STX19: variants seen among roughly 807,000 people sequenced by gnomAD.
The protein encoded by STX19 is syntaxin 19.
A neutral mutation model predicts 24.3 loss-of-function variants in STX19; 26 were observed. That is an observed-to-expected ratio of 1.07 (90% CI 0.78 to 1.48). The LOEUF is 1.48. Among genes scored for constraint, STX19 ranks in the 40% most tolerant of loss-of-function variants. The pLI is 0.00. For missense variants in STX19, 367 were observed against 331.9 expected (o/e 1.11, Z -0.82); for synonymous variants, 116 against 106.9 (o/e 1.09, Z -0.52).
intron 1 of STX19, among the ~76,000 whole-genome samples, chr3:94,016,085 A>G (rs2076328229): frequency 6.6e-6 from 1 of 152,168 alleles, no homozygotes; most frequent in South Asian, 2.1e-4. Flanking sequence ...GTAAGAATCA[A>G]ATTGATGTAC....
intron 1 of STX19, among the ~76,000 whole-genome samples, chr3:94,016,138 C>T (rs935802585): frequency 1.1e-4 from 16 of 152,102 alleles, no homozygotes; most frequent in African/African-American, 3.6e-4. Context: ...AAATGACATA[C>T]ATACATATAA....
At chr3:94,017,429 C>G (rs750324549) in intron 1 of STX19, among the ~76,000 whole-genome samples, 1 of 152,136 alleles carries the variant, frequency 6.6e-6, no homozygotes, top group Non-Finnish European at 1.5e-5. Flanking sequence ...TGGACATTTT[C>G]AAGATGTTCT....
At chr3:94,015,520 G>A (rs2076314334) in intron 1 of STX19, among the ~76,000 whole-genome samples, 1 of 152,140 alleles carries the variant, frequency 6.6e-6, no homozygotes, top group Non-Finnish European at 1.5e-5. Flanking sequence ...GTGTGCAATA[G>A]CTGAGAAAGC....
At chr3:94,018,903 C>G (rs2076389928) in intron 1 of STX19, among the ~76,000 whole-genome samples, 1 of 151,938 alleles carries the variant, frequency 6.6e-6, no homozygotes. Context: ...GTGGCTGGGA[C>G]TACAGGCATG....
chr3:94,015,358 C>G (rs1380505633), intron 1 of STX19, 76 bp from the exon 2 acceptor site: 4 of 1,071,602 alleles, frequency 3.7e-6, no homozygotes, highest in Non-Finnish European at 1.3e-6. Flanking sequence ...CTTCACATAA[C>G]TGTCTATATC....
In STX19 at chr3:94,015,128, C is replaced by T; in HGVS notation, c.142G>A (p.Glu48Lys). ...TTTTGGATTTCATGTAGGTGTCTCT[C>T]AGCTACAGGCTCTCTTTCATAAATA... ...AVIYEREPVA[E>K]RHLHEIQKLQ... The change falls in exon 2 of 2, where the codon GAG (glutamate) becomes AAG (lysine). Residue 48 changes from glutamate (E) to lysine (K), a missense_variant. Physicochemically the swap from Glu to Lys is moderately conservative, Grantham distance 56. Transcript: ENST00000315099. 1 of 1,613,976 alleles carries T rather than the reference C, an allele frequency of 6.2e-7. No homozygotes were observed. Among genetic ancestry groups the T allele is most frequent in the Non-Finnish European group, 8.5e-7 (1 of 1,179,934 alleles).
chr3:94,025,857 A>G (rs1451280255), intron 1 of STX19, among the ~76,000 whole-genome samples: 1 of 152,116 alleles, frequency 6.6e-6, no homozygotes, highest in African/African-American at 2.4e-5. Flanking sequence ...ATTCCTAGTT[A>G]ACTGTTTCAT....
intron 1 of STX19, among the ~76,000 whole-genome samples, chr3:94,023,851 T>C (rs1408779030): frequency 6.6e-6 from 1 of 152,150 alleles, no homozygotes; most frequent in Non-Finnish European, 1.5e-5. Flanking sequence ...GGAGATAATA[T>C]AGCATATAGG....
intron 1 of STX19, among the ~76,000 whole-genome samples, chr3:94,016,061 G>T (rs1052677829): frequency 1.3e-4 from 19 of 151,978 alleles, no homozygotes; most frequent in Admixed American, 1.2e-3. Flanking sequence ...CACATGCTGT[G>T]TTGGTAGTTA....
intron 1 of STX19, among the ~76,000 whole-genome samples, chr3:94,027,388 T>C (rs1292276684): frequency 6.6e-6 from 1 of 152,086 alleles, no homozygotes. Context: ...TTCTACATTT[T>C]ATTTAGTCTA....
intron 1 of STX19, among the ~76,000 whole-genome samples, chr3:94,025,224 T>TTTATTTATTTATTTA (rs1559994096): frequency 6.6e-6 from 1 of 152,126 alleles, no homozygotes; most frequent in Non-Finnish European, 1.5e-5. Flanking sequence ...ATATGTCCTT[T>TTTATTTATTTATTTA]TTATTAATCT....
At chr3:94,020,910 TG>T (rs2076433631) in intron 1 of STX19, among the ~76,000 whole-genome samples, 1 of 152,266 alleles carries the variant, frequency 6.6e-6, no homozygotes, top group South Asian at 2.1e-4. Context: ...ACTTCTAAGC[TG>T]GAAGGAGATT....
intron 1 of STX19, among the ~76,000 whole-genome samples, chr3:94,017,801 T>C (rs1399721601): frequency 1.3e-5 from 2 of 151,416 alleles, no homozygotes; most frequent in Non-Finnish European, 2.9e-5. Flanking sequence ...GGTCTAGGAG[T>C]TGGGTTGCCA....
chr3:94,015,167 G>C lies in STX19; in HGVS notation c.103C>G (p.Leu35Val), dbSNP rs2076304581. The C allele has an allele frequency of 2.5e-6, 4 of 1,613,738 alleles. No individual in the cohort carries two copies. The South Asian group carries it at 4.4e-5, about 18-fold the overall frequency. The part of the protein sequence containing the change: ...TTETEEQGVF[L>V]QQAVIYEREP... Reference sequence around the variant, plus strand: ...CTTTCATAAATAACAGCTTGCTGTAGAAACACCCCTTGTTCCTCTGTTTCT... The same window carrying C: ...CTTTCATAAATAACAGCTTGCTGTACAAACACCCCTTGTTCCTCTGTTTCT... Residue 35 changes from leucine to valine, a missense_variant, in exon 2 of 2, where the codon CTA becomes GTA. By Grantham distance (32) the Leu-to-Val change is conservative. Transcript: ENST00000315099.
Position 94,015,116 on chromosome 3 carries a change from G to C in STX19, c.154C>G (p.His52Asp), listed in dbSNP as rs369172757. 4.3e-6 allele frequency: 7 copies of C among 1,613,906 alleles called. No individual in the cohort carries two copies. Among genetic ancestry groups the C allele is most frequent in the Non-Finnish European group, 5.1e-6 (6 of 1,179,928 alleles). ...EREPVAERHL[H>D]EIQKLQESIN... is the part of the protein sequence containing the mutation. ...CTTTCCTGTAGTTTTTGGATTTCAT[G>C]TAGGTGTCTCTCAGCTACAGGCTCT... Residue 52 changes from histidine (H) to aspartate (D), a missense_variant, in exon 2 of 2, where the codon CAT (histidine) becomes GAT (aspartate). By Grantham distance (81) the His-to-Asp change is moderately conservative. Transcript: ENST00000315099.
At chr3:94,016,622 A>G (rs1049286027) in intron 1 of STX19, among the ~76,000 whole-genome samples, 2 of 151,504 alleles carry the variant, frequency 1.3e-5, no homozygotes, top group African/African-American at 4.8e-5. Context: ...CTATGAAAGT[A>G]TTGGAGATTT....
chr3:94,014,856 A>C lies in STX19; in HGVS notation c.414T>G (p.Ala138=). 1 of 1,614,066 alleles carries C rather than the reference A, an allele frequency of 6.2e-7. No individual in the cohort carries two copies. The highest frequency in any genetic ancestry group is 8.5e-7 in the Non-Finnish European group (1 of 1,179,962). Residue 138 remains alanine (A), a synonymous_variant, in exon 2 of 2, where the codon GCT becomes GCG. Transcript: ENST00000315099. Reference sequence around the variant, plus strand: ...TTTGCTGAAAATGGCGGAACATTGCAGCATGCTGAGATTTAAGTATCCTTG... The same window carrying C: ...TTTGCTGAAAATGGCGGAACATTGCCGCATGCTGAGATTTAAGTATCCTTG... ...VVTRILKSQH[A]AMFRHFQQIM...
chr3:94,014,744 C>T lies in STX19; in HGVS notation c.526G>A (p.Glu176Lys). The T allele has an allele frequency of 6.2e-7, 1 of 1,613,174 alleles. No homozygotes were observed. The highest frequency in any genetic ancestry group is 1.1e-5 in the South Asian group (1 of 90,770). The part of the protein sequence containing the change: ...ILRQLEVAGK[E>K]MSEEDVNDML... ...TCATTTACATCTTCTTCAGACATCT[C>T]TTTTCCAGCAACTTCAAGCTGACGT... The change falls in exon 2 of 2, where the codon GAG becomes AAG. Residue 176 changes from glutamate (E) to lysine (K), a missense_variant. Transcript: ENST00000315099.
In STX19 at chr3:94,018,802, G is replaced by C. The variant is rs567996945; in HGVS notation, c.-13-3520C>G. ...GTTTTTTGAGACCGAGTCTCACTCT[G>C]TCCCCTAGGCCGGAGTGCAGTGGTG... On this transcript the variant is annotated intron_variant, in intron 1 of 1. Coordinates refer to ENST00000315099, the MANE Select transcript of STX19 (RefSeq NM_001001850.3). Among the ~76,000 whole-genome samples, 4 of 152,214 alleles carry C rather than the reference G, an allele frequency of 2.6e-5. No individual in the cohort carries two copies. The East Asian group carries it at 7.7e-4, about 29-fold the overall frequency.
Sources: allele counts gnomAD v4.1 joint callset (sites outside exome capture counted in the v4.1 genomes callset), GRCh38; gene constraint gnomAD v4.1.1; transcripts MANE v1.5; gene names NCBI Gene and HGNC (gene_info 2026-07-23, HGNC 2026-07-21).